Variants in ARFIP1 observed in about 807,000 individuals in gnomAD.
ARFIP1 encodes arfaptin-1.
In ARFIP1, 24 loss-of-function variants were observed where a neutral mutation model predicts 42.5. The observed-to-expected ratio is 0.57, with a 90% CI of 0.41 to 0.80. The LOEUF (loss-of-function observed/expected upper bound fraction) is 0.80. Among genes scored for constraint, ARFIP1 ranks in the 30% least tolerant of loss-of-function variants. ARFIP1 has a pLI of 0.00. For synonymous variants in ARFIP1, 141 were observed against 153.7 expected (o/e 0.92, Z 0.61); for missense variants, 354 against 434.0 (o/e 0.82, Z 1.64).
chr4:152,797,601 G>C (rs1731547105), intron 1 of ARFIP1, among the ~76,000 whole-genome samples: 1 of 152,068 alleles, frequency 6.6e-6, no homozygotes, highest in African/African-American at 2.4e-5. Flanking sequence ...CTTTCTCTTT[G>C]CTCAAGTGTT....
At chr4:152,866,866 G>A (rs1251608877) in intron 3 of ARFIP1, among the ~76,000 whole-genome samples, 5 of 151,700 alleles carry the variant, frequency 3.3e-5, no homozygotes, top group South Asian at 4.2e-4. Context: ...ACGGGGCGGC[G>A]GGGCAGAGGC....
intron 2 of ARFIP1, among the ~76,000 whole-genome samples, chr4:152,860,735 A>G (rs1300483150): frequency 6.6e-6 from 1 of 152,242 alleles, no homozygotes; most frequent in African/African-American, 2.4e-5. Context: ...TAAATTAGTC[A>G]CTAACTGGAC....
chr4:152,891,506 T>C (rs1040329550), intron 8 of ARFIP1, among the ~76,000 whole-genome samples: 9 of 152,212 alleles, frequency 5.9e-5, no homozygotes, highest in African/African-American at 1.9e-4. Context: ...TTTTTGTTTC[T>C]TTTAATAGCT....
At chr4:152,888,031 T>G (rs1314354321) in intron 7 of ARFIP1, 102 bp from the exon 8 acceptor site, 1 of 761,318 alleles carries the variant, frequency 1.3e-6, no homozygotes, top group African/African-American at 1.8e-5. Flanking sequence ...TTTTATATAT[T>G]TTATTGTATA....
intron 5 of ARFIP1, among the ~76,000 whole-genome samples, chr4:152,877,763 T>C (rs1735487099): frequency 6.6e-6 from 1 of 152,178 alleles, no homozygotes; most frequent in Non-Finnish European, 1.5e-5. Context: ...GGGGCCGGTC[T>C]TGTCTGTGCT....
At chr4:152,841,293 CA>C (rs1157928461) in intron 2 of ARFIP1, among the ~76,000 whole-genome samples, 10 of 152,116 alleles carry the variant, frequency 6.6e-5, no homozygotes, top group African/African-American at 2.4e-4. Flanking sequence ...CTCAGCCTCC[CA>C]AAATGCTGGG....
At chr4:152,818,468 G>A (rs1231382396) in intron 1 of ARFIP1, among the ~76,000 whole-genome samples, 2 of 152,206 alleles carry the variant, frequency 1.3e-5, no homozygotes, top group African/African-American at 4.8e-5. Flanking sequence ...CAGCAGGGAC[G>A]GAGGGAAGCC....
At position 152,881,192 on chromosome 4, in the gene ARFIP1, T is replaced by G; in HGVS notation, c.633+8T>G. ...AAGTCACTAGAACTTCATGTAAGAT[T>G]ATTCTAAATAACTATTAGGGATGGG... On this transcript the variant is annotated splice_region_variant and intron_variant, in intron 6 of 8. Coordinates refer to ENST00000353617, the MANE Select transcript of ARFIP1 (RefSeq NM_001025595.3). The G allele has an allele frequency of 6.4e-7, 1 of 1,572,600 alleles. No individual in the cohort carries two copies. Among genetic ancestry groups the G allele is most frequent in the Non-Finnish European group, 8.7e-7 (1 of 1,145,964 alleles).
At chr4:152,788,801 CTTTTT>C (rs138189664) in intron 1 of ARFIP1, among the ~76,000 whole-genome samples, 4 of 113,384 alleles carry the variant, frequency 3.5e-5, no homozygotes, top group Non-Finnish European at 7.1e-5. Flanking sequence ...TCCCCAATGT[CTTTTT>C]TTTTTTTTTT....
At chr4:152,885,799 C>T (rs773395728) in intron 7 of ARFIP1, among the ~76,000 whole-genome samples, 9 of 151,850 alleles carry the variant, frequency 5.9e-5, no homozygotes, top group Non-Finnish European at 1.2e-4. Context: ...ACTTTTTTCT[C>T]TTTTATTTCC....
chr4:152,885,776 TTTA>T (rs2149895312), intron 7 of ARFIP1, among the ~76,000 whole-genome samples: 1 of 152,178 alleles, frequency 6.6e-6, no homozygotes, highest in South Asian at 2.1e-4. Flanking sequence ...TGTATTACTA[TTTA>T]TTTAGTTCTA....
rs998192938 is a variant in ARFIP1, at chr4:152,807,798, T to C, written c.-9-21827T>C. Among the ~76,000 whole-genome samples the C allele has an allele frequency of 3.9e-5, 6 of 152,266 alleles. No homozygotes were observed. The South Asian group carries it at 1.2e-3, about 32-fold the overall frequency. On this transcript the variant is annotated intron_variant, in intron 1 of 8. Transcript: ENST00000353617. ...TTATCAGTATTTTTCTTTTCTTGTTTTTGCTTTTTGTGTCTAAGAAATTTT... is the reference window on the plus strand; with the variant it reads ...TTATCAGTATTTTTCTTTTCTTGTTCTTGCTTTTTGTGTCTAAGAAATTTT...
chr4:152,851,056 A>G (rs1732935917), intron 2 of ARFIP1, among the ~76,000 whole-genome samples: 2 of 152,208 alleles, frequency 1.3e-5, no homozygotes, highest in South Asian at 4.1e-4. Flanking sequence ...TAAAAAATTT[A>G]TTATGTAGAT....
At chr4:152,793,097 A>G (rs889754446) in intron 1 of ARFIP1, among the ~76,000 whole-genome samples, 5 of 152,076 alleles carry the variant, frequency 3.3e-5, no homozygotes, top group Non-Finnish European at 5.9e-5. Context: ...AGATAACTGA[A>G]TTCATACAAA....
At chr4:152,826,240 T>A (rs969685039) in intron 1 of ARFIP1, among the ~76,000 whole-genome samples, 6 of 151,878 alleles carry the variant, frequency 4.0e-5, no homozygotes, top group Non-Finnish European at 8.8e-5. Context: ...AACCAATGAG[T>A]AGATAAAGAA....
chr4:152,888,484 A>G (rs972238710), intron 8 of ARFIP1, among the ~76,000 whole-genome samples, 177 bp downstream of exon 8: 4 of 152,138 alleles, frequency 2.6e-5, no homozygotes, highest in Non-Finnish European at 4.4e-5. Context: ...TTCTTTGATA[A>G]AAGTTATCAA....
intron 1 of ARFIP1, among the ~76,000 whole-genome samples, chr4:152,814,546 A>C (rs1729722378): frequency 6.6e-6 from 1 of 152,156 alleles, no homozygotes; most frequent in Non-Finnish European, 1.5e-5. Context: ...CCTGGTCTCT[A>C]CAAAAAATTA....
chr4:152,908,562 A>ATGGCGCCACTGCACTCCAGCC lies in ARFIP1; in HGVS notation c.967-1497_967-1477dup, dbSNP rs1215949421. Among the ~76,000 whole-genome samples the ATGGCGCCACTGCACTCCAGCC allele has an allele frequency of 1.7e-3, 257 of 152,210 alleles. 3 individuals are homozygous for ATGGCGCCACTGCACTCCAGCC. The highest frequency in any genetic ancestry group is 4.6e-4 in the Non-Finnish European group (31 of 68,004). On this transcript the variant is annotated intron_variant, in intron 8 of 8. Transcript: ENST00000353617. Reference sequence around the variant, plus strand: ...GAGGCAGAGGTTGCAGTGAGCTGAGATGGCGCCACTGCACTCCAGCCTGGC... The same window carrying ATGGCGCCACTGCACTCCAGCC: ...GAGGCAGAGGTTGCAGTGAGCTGAGATGGCGCCACTGCACTCCAGCCTGGCGCCACTGCACTCCAGCCTGGC...
At chr4:152,899,288 A>T (rs1579039296) in intron 8 of ARFIP1, among the ~76,000 whole-genome samples, 1 of 152,096 alleles carries the variant, frequency 6.6e-6, no homozygotes, top group South Asian at 2.1e-4. Flanking sequence ...AAAAGAAAAC[A>T]TTGGTGGGAT....
Sources: allele counts gnomAD v4.1 joint callset (sites outside exome capture counted in the v4.1 genomes callset), GRCh38; gene constraint gnomAD v4.1.1; transcripts MANE v1.5; gene names NCBI Gene and HGNC (gene_info 2026-07-23, HGNC 2026-07-21).